The following MTR variants were observed in gnomAD, a reference collection of about 807,000 sequenced individuals.
MTR encodes the protein methionine synthase.
A neutral mutation model predicts 154.8 loss-of-function variants in MTR; 84 were observed. That is an observed-to-expected ratio of 0.54 (90% CI 0.45 to 0.65). The LOEUF (loss-of-function observed/expected upper bound fraction) is 0.65. Among genes scored for constraint, MTR ranks in the 30% least tolerant of loss-of-function variants. The pLI, the probability that MTR is intolerant of heterozygous loss-of-function variation, is 0.00. For missense variants in MTR, 1,275 were observed against 1,570.2 expected, an observed-to-expected ratio of 0.81 and a Z score of 3.18; for synonymous variants, 554 against 553.9, an observed-to-expected ratio of 1.00 and a Z score of 0.00.
chr1:236,838,959 A>G (rs558101378), intron 15 of MTR, among the ~76,000 whole-genome samples: 1 of 152,344 alleles, frequency 6.6e-6, no homozygotes, highest in South Asian at 2.1e-4. Context: ...ACTGAATACT[A>G]TAGGCAACTA....
At chr1:236,896,978 A>G in intron 31 of MTR, 28 bp from the exon 32 acceptor site, 2 of 1,532,242 alleles carry the variant, frequency 1.3e-6, no homozygotes, top group African/African-American at 2.7e-5. Context: ...TGAGTCCATA[A>G]GCATTTTCCC....
chr1:236,881,653 C>T (rs919571675), intron 25 of MTR, among the ~76,000 whole-genome samples: 8 of 152,244 alleles, frequency 5.3e-5, no homozygotes, highest in African/African-American at 1.4e-4. Context: ...TGGTGATCTG[C>T]GAGACTTCCA....
intron 19 of MTR, 25 bp downstream of exon 19, chr1:236,859,947 A>G (rs753704089): frequency 1.3e-6 from 2 of 1,591,760 alleles, no homozygotes; most frequent in Non-Finnish European, 1.7e-6. Flanking sequence ...CCTGAACTGG[A>G]GGGCTGGAGG....
chr1:236,873,821 T>C lies in MTR; in HGVS notation c.2454T>C (p.Ala818=), dbSNP rs769066955. Residue 818 remains alanine, a synonymous_variant, in exon 23 of 33, where the codon GCT becomes GCC. Coordinates refer to ENST00000366577, the MANE Select transcript of MTR (RefSeq NM_000254.3). ...VMTPCDKILK[A]ALDHKADIIG... ...CTCCATGTGATAAGATACTGAAAGC[T>C]GCTCTTGACCACAAAGCAGGTACTG... 14 of 1,614,068 alleles carry C rather than the reference T, an allele frequency of 8.7e-6. No individual in the cohort carries two copies. Among genetic ancestry groups the C allele is most frequent in the Middle Eastern group, 1.6e-4 (1 of 6,084 alleles).
chr1:236,795,721 A>G lies in MTR; in HGVS notation c.18A>G (p.Gln6=), dbSNP rs749717645. ...TCGACAACATGTCACCCGCGCTCCA[A>G]GACCTGTCGCAACCCGGTAACGCTG... The part of the protein sequence containing the change: MSPAL[Q]DLSQPEGLKK... Residue 6 remains glutamine (Q), a synonymous_variant, in exon 1 of 33, where the codon CAA becomes CAG. Coordinates refer to ENST00000366577, the MANE Select transcript of MTR (RefSeq NM_000254.3). 82 of 1,614,182 alleles carry G rather than the reference A, an allele frequency of 5.1e-5. 1 individual carries two copies. Among genetic ancestry groups the G allele is most frequent in the Non-Finnish European group, 5.3e-5 (63 of 1,180,036 alleles).
In MTR at chr1:236,806,166, A is replaced by G; in HGVS notation, c.272A>G (p.Asp91Gly). Residue 91 changes from aspartate to glycine, a missense_variant, in exon 3 of 33, where the codon GAT (aspartate) becomes GGT (glycine). Transcript: ENST00000366577. ...IHKEYLLAGADIIETNTFSST... is the reference protein window; with the variant it reads ...IHKEYLLAGAGIIETNTFSST... Reference sequence around the variant, plus strand: ...CAGGAATACTTGCTGGCTGGGGCAGATATCATTGAAACAAATACTTTTAGC... The same window carrying G: ...CAGGAATACTTGCTGGCTGGGGCAGGTATCATTGAAACAAATACTTTTAGC... The G allele has an allele frequency of 6.2e-7, 1 of 1,614,158 alleles. No homozygotes were observed. Among genetic ancestry groups the G allele is most frequent in the Non-Finnish European group, 8.5e-7 (1 of 1,179,988 alleles).
Position 236,825,410 on chromosome 1 carries a change from C to A in MTR, c.927+11C>A, listed in dbSNP as rs1267518631. 6 of 1,606,754 alleles carry A rather than the reference C, an allele frequency of 3.7e-6. No individual in the cohort carries two copies. The South Asian group carries it at 6.6e-5, about 18-fold the overall frequency. On this transcript the variant is annotated intron_variant, in intron 10 of 32. Transcript: ENST00000366577. ...GCCAAGCACCTAAAGGTCAGGGGTC[C>A]CCCTTTCACTGGCTTTTTAAGAGAG...
At chr1:236,824,394 G>A (rs1006826299) in intron 9 of MTR, among the ~76,000 whole-genome samples, 175 bp downstream of exon 9, 7 of 152,204 alleles carry the variant, frequency 4.6e-5, no homozygotes, top group East Asian at 3.9e-4. Flanking sequence ...AGGGAAGTTC[G>A]GCTCACCCTG....
Position 236,898,478 on chromosome 1 carries a change from C to G in MTR, c.*834C>G, listed in dbSNP as rs1404770198. 1 of 151,500 alleles carries G rather than the reference C, an allele frequency of 6.6e-6. No individual in the cohort carries two copies. The highest frequency in any genetic ancestry group is 1.9e-4 in the East Asian group (1 of 5,152). 9.4% of individuals were successfully genotyped at this position (151,500 alleles called of 1,614,324 possible). The stretch of plus-strand genomic sequence containing the variant: ...GCAGGGGCGCAATCTCGGCTCATAG[C>G]AAGCTCCGCCTCCTGGGTTCATGCC... On this transcript the variant is annotated 3_prime_UTR_variant, in exon 33 of 33. Coordinates refer to ENST00000366577, the MANE Select transcript of MTR (RefSeq NM_000254.3).
chr1:236,878,901 C>G (rs955055127), intron 24 of MTR, among the ~76,000 whole-genome samples: 1 of 152,244 alleles, frequency 6.6e-6, no homozygotes, highest in African/African-American at 2.4e-5. Flanking sequence ...AAAGATGGCT[C>G]TTGACTCACT....
Position 236,900,145 on chromosome 1 carries a change from A to G in MTR, c.*2501A>G, listed in dbSNP as rs1461000485. The G allele has an allele frequency of 2.5e-6, 1 of 407,566 alleles. No homozygotes were observed. The highest frequency in any genetic ancestry group is 4.9e-6 in the Non-Finnish European group (1 of 204,996). 25.2% of individuals were successfully genotyped at this position (407,566 alleles called of 1,614,324 possible). On this transcript the variant is annotated 3_prime_UTR_variant, in exon 33 of 33. Transcript: ENST00000366577. ...AGTTACATATTTATAATAGTTAATA[A>G]CTGGAAAAAGTGAAATGTATGTCTG...
At chr1:236,815,186 A>G (rs1263186661) in intron 6 of MTR, among the ~76,000 whole-genome samples, 1 of 152,188 alleles carries the variant, frequency 6.6e-6, no homozygotes, top group Non-Finnish European at 1.5e-5. Flanking sequence ...TATTTTTGAG[A>G]CAGAGTCTTG....
At chr1:236,828,411 CTGTGTGTATGTT>C (rs1223081369) in intron 11 of MTR, among the ~76,000 whole-genome samples, 2 of 152,032 alleles carry the variant, frequency 1.3e-5, no homozygotes, top group African/African-American at 4.8e-5. Context: ...TTTTAAATGT[CTGTGTGTATGTT>C]TGTGTATATC....
intron 12 of MTR, among the ~76,000 whole-genome samples, chr1:236,830,591 T>C (rs550412646): frequency 4.6e-5 from 7 of 152,344 alleles, no homozygotes; most frequent in Admixed American, 4.6e-4. Flanking sequence ...GTGTGATCTT[T>C]GTATCAAGTA....
In MTR at chr1:236,795,475, C is replaced by T. The variant is rs1327191961; in HGVS notation, c.-229C>T. 2.0e-6 allele frequency: 3 copies of T among 1,510,586 alleles called. No individual in the cohort carries two copies. The South Asian group carries it at 3.6e-5, about 18-fold the overall frequency. 93.6% of individuals were successfully genotyped at this position (1,510,586 alleles called of 1,614,324 possible). Reference sequence around the variant, plus strand: ...ACTGGCCGGGTACCCGGGAAGAAAGCACGTGCTCCAGCAGTTGCCGCGCCC... The same window carrying T: ...ACTGGCCGGGTACCCGGGAAGAAAGTACGTGCTCCAGCAGTTGCCGCGCCC... On this transcript the variant is annotated 5_prime_UTR_variant, in exon 1 of 33. Coordinates refer to ENST00000366577, the MANE Select transcript of MTR (RefSeq NM_000254.3).
chr1:236,897,091 T>C lies in MTR; in HGVS notation c.3684T>C (p.Phe1228=), dbSNP rs1301893833. The change falls in exon 32 of 33, where the codon TTT becomes TTC. Residue 1228 remains phenylalanine, a synonymous_variant. Coordinates refer to ENST00000366577, the MANE Select transcript of MTR (RefSeq NM_000254.3). The part of the protein sequence containing the change: ...LYFSNLKSKY[F]AVGKISKDQV... ...TCTCCAATTTGAAGTCCAAATATTTTGCTGTGGGGAAGATTTCCAAGGATC... is the reference window on the plus strand; with the variant it reads ...TCTCCAATTTGAAGTCCAAATATTTCGCTGTGGGGAAGATTTCCAAGGATC... The C allele has an allele frequency of 1.9e-6, 3 of 1,613,948 alleles. No homozygotes were observed. The highest frequency in any genetic ancestry group is 1.1e-5 in the South Asian group (1 of 91,076).
rs372141796 is a variant in MTR, at chr1:236,824,200, C to T, written c.846C>T (p.Val282=). ...EIIGKCTTAY[V]LCYPNAGLPN... ...TTGGAAAATGTACAACAGCCTATGT[C>T]CTCTGTTATCCCAATGCAGGTGTGT... The change falls in exon 9 of 33, where the codon GTC becomes GTT. Residue 282 remains valine (V), a synonymous_variant. Transcript: ENST00000366577. 1.2e-6 allele frequency: 2 copies of T among 1,613,534 alleles called. No homozygotes were observed. The highest frequency in any genetic ancestry group is 1.3e-5 in the African/African-American group (1 of 74,884).
intron 15 of MTR, among the ~76,000 whole-genome samples, chr1:236,843,818 G>C (rs1285438759): frequency 6.6e-6 from 1 of 152,230 alleles, no homozygotes; most frequent in African/African-American, 2.4e-5. Flanking sequence ...ACTGAGGTAA[G>C]AAAGACTGAG....
chr1:236,802,863 T>A (rs1169391427), intron 1 of MTR, among the ~76,000 whole-genome samples: 1 of 152,064 alleles, frequency 6.6e-6, no homozygotes, highest in Non-Finnish European at 1.5e-5. Context: ...TGGGCCCTTT[T>A]CTGGACTGGG....
Sources: gnomAD v4.1 joint callset for allele counts (sites outside exome capture counted in the v4.1 genomes callset) on GRCh38, gnomAD v4.1.1 for gene constraint, MANE v1.5 for transcripts, NCBI Gene and HGNC (gene_info 2026-07-23, HGNC 2026-07-21) for gene names.